The following PTPN1 variants were observed in gnomAD, a reference collection of about 807,000 sequenced individuals.
PTPN1 encodes tyrosine-protein phosphatase non-receptor type 1.
Under a neutral mutation model 59.9 loss-of-function variants are expected in PTPN1, and 12 were observed. That is an observed-to-expected ratio of 0.20 (90% CI 0.13 to 0.32). PTPN1 has a LOEUF of 0.32. PTPN1 is among the 10% of genes least tolerant of loss of function. PTPN1 has a pLI of 1.00. For synonymous variants in PTPN1, 178 were observed against 203.6 expected, an observed-to-expected ratio of 0.87 and a Z score of 1.07; for missense variants, 356 against 549.2, an observed-to-expected ratio of 0.65 and a Z score of 3.52.
At position 50,547,384 on chromosome 20, in the gene PTPN1, T is replaced by A. The variant is rs1382811382; in HGVS notation, c.64-13979T>A. 2.0e-5 allele frequency among the ~76,000 whole-genome samples: 3 copies of A among 152,206 alleles called. No homozygotes were observed. The East Asian group carries it at 5.8e-4, about 29-fold the overall frequency. The stretch of plus-strand genomic sequence containing the variant: ...TTTATCTGCATTAACTTTTTTTTTT[T>A]TGAGAGTCTCGCTCTGTCACCCAGG... On this transcript the variant is annotated intron_variant, in intron 1 of 9. Coordinates refer to ENST00000371621, the MANE Select transcript of PTPN1 (RefSeq NM_002827.4).
At chr20:50,579,114 C>T (rs367950137) in intron 6 of PTPN1, 54 bp from the exon 7 acceptor site, 13 of 1,566,012 alleles carry the variant, frequency 8.3e-6, no homozygotes, top group Admixed American at 5.0e-5. Flanking sequence ...GTGTTATTAA[C>T]GTTGCCCTTG....
intron 4 of PTPN1, among the ~76,000 whole-genome samples, chr20:50,569,638 G>A (rs904962514): frequency 6.6e-6 from 1 of 151,642 alleles, no homozygotes; most frequent in Non-Finnish European, 1.5e-5. Flanking sequence ...ACTGTCCTGT[G>A]TAGACTGTCC....
intron 1 of PTPN1, among the ~76,000 whole-genome samples, chr20:50,548,046 A>G (rs1281520639): frequency 6.6e-6 from 1 of 152,218 alleles, no homozygotes; most frequent in East Asian, 1.9e-4. Context: ...TTTATTCTCA[A>G]CATCCTGCAG....
chr20:50,545,099 C>T (rs1723535159), intron 1 of PTPN1, among the ~76,000 whole-genome samples: 1 of 152,178 alleles, frequency 6.6e-6, no homozygotes, highest in African/African-American at 2.4e-5. Flanking sequence ...GTGTGATTCC[C>T]ATCAAGAGGT....
chr20:50,574,414 G>C, intron 4 of PTPN1, 103 bp from the exon 5 acceptor site: 2 of 1,202,794 alleles, frequency 1.7e-6, no homozygotes, highest in Non-Finnish European at 2.3e-6. Context: ...GAAACCCCCA[G>C]GCCTTTGAGT....
At chr20:50,511,769 G>T (rs544551021) in intron 1 of PTPN1, among the ~76,000 whole-genome samples, 6 of 152,316 alleles carry the variant, frequency 3.9e-5, no homozygotes, top group African/African-American at 1.2e-4. Flanking sequence ...CACTTGCACA[G>T]TATCTTAAAT....
chr20:50,514,258 G>T (rs1344811274), intron 1 of PTPN1, among the ~76,000 whole-genome samples: 1 of 152,136 alleles, frequency 6.6e-6, no homozygotes, highest in Non-Finnish European at 1.5e-5. Flanking sequence ...GTTATCTGCC[G>T]TTACTTCTCC....
intron 1 of PTPN1, among the ~76,000 whole-genome samples, chr20:50,556,132 C>T (rs190897331): frequency 6.6e-6 from 1 of 150,668 alleles, no homozygotes. Context: ...AATTTATTTA[C>T]TCTTAGGTAG....
At chr20:50,551,182 C>CTT (rs1035936845) in intron 1 of PTPN1, among the ~76,000 whole-genome samples, 13 of 152,152 alleles carry the variant, frequency 8.5e-5, no homozygotes, top group South Asian at 2.1e-4. Context: ...CATGTTACCC[C>CTT]TTTGTGTTCA....
At chr20:50,543,857 T>C (rs1022855370) in intron 1 of PTPN1, among the ~76,000 whole-genome samples, 28 of 152,190 alleles carry the variant, frequency 1.8e-4, no homozygotes, top group African/African-American at 6.5e-4. Context: ...TTAAACTTTT[T>C]TTTTTTGAGA....
At chr20:50,521,254 T>C (rs2082549742) in intron 1 of PTPN1, among the ~76,000 whole-genome samples, 1 of 152,222 alleles carries the variant, frequency 6.6e-6, no homozygotes, top group Admixed American at 6.5e-5. Flanking sequence ...GTAATTGGAC[T>C]AAAAAATCTT....
intron 1 of PTPN1, among the ~76,000 whole-genome samples, chr20:50,536,734 G>A (rs2082625519): frequency 1.3e-5 from 2 of 152,028 alleles, no homozygotes; most frequent in South Asian, 2.1e-4. Flanking sequence ...TTAGAATCCT[G>A]TAATTTGTTG....
chr20:50,532,558 C>T (rs1355313732), intron 1 of PTPN1, among the ~76,000 whole-genome samples: 3 of 152,112 alleles, frequency 2.0e-5, no homozygotes, highest in Non-Finnish European at 2.9e-5. Flanking sequence ...CCAAATGAGT[C>T]CGTAGAACCT....
At chr20:50,552,441 A>T (rs2082706160) in intron 1 of PTPN1, among the ~76,000 whole-genome samples, 1 of 152,106 alleles carries the variant, frequency 6.6e-6, no homozygotes, top group African/African-American at 2.4e-5. Context: ...CTGCATTGTT[A>T]CCTTAGTTTC....
intron 1 of PTPN1, among the ~76,000 whole-genome samples, chr20:50,518,254 A>G (rs79684096): frequency 0.035 from 5,258 of 152,278 alleles, 277 homozygotes; most frequent in African/African-American, 0.12. Flanking sequence ...TTCTTACAGG[A>G]AAGTGAACAT....
intron 1 of PTPN1, among the ~76,000 whole-genome samples, chr20:50,551,908 A>G (rs1339856481): frequency 6.6e-6 from 1 of 152,016 alleles, no homozygotes; most frequent in Non-Finnish European, 1.5e-5. Context: ...TCGGTTTTAA[A>G]GGCTTTTATT....
chr20:50,520,371 CAAAA>C (rs11474492), intron 1 of PTPN1, among the ~76,000 whole-genome samples: 1 of 131,420 alleles, frequency 7.6e-6, no homozygotes, highest in African/African-American at 2.8e-5. Flanking sequence ...AACTCTGTCT[CAAAA>C]AAAAAAAAAA....
At chr20:50,522,753 A>G (rs2082556520) in intron 1 of PTPN1, among the ~76,000 whole-genome samples, 2 of 151,844 alleles carry the variant, frequency 1.3e-5, no homozygotes, top group African/African-American at 4.8e-5. Context: ...AGGTATTTGT[A>G]TTTATTTATT....
chr20:50,567,918 G>A (rs2082786722), intron 3 of PTPN1, among the ~76,000 whole-genome samples: 1 of 152,206 alleles, frequency 6.6e-6, no homozygotes, highest in Non-Finnish European at 1.5e-5. Context: ...TCAAGTAAGC[G>A]ATGGGGAAAC....
Sources: allele counts gnomAD v4.1 joint callset (sites outside exome capture counted in the v4.1 genomes callset), GRCh38; gene constraint gnomAD v4.1.1; transcripts MANE v1.5; gene names NCBI Gene and HGNC (gene_info 2026-07-23, HGNC 2026-07-21).